ARMH3: variants seen among roughly 807,000 people sequenced by gnomAD.
ARMH3 encodes armadillo like helical domain containing 3, also known as armadillo-like helical domain-containing protein 3.
ARMH3 carries 60 observed loss-of-function variants against 99.1 expected under a neutral mutation model. The observed-to-expected ratio is 0.61, with a 90% CI of 0.49 to 0.75. The LOEUF is 0.75. Ranked by LOEUF, ARMH3 falls within the 30% of genes least tolerant of loss-of-function variation. ARMH3 has a pLI of 0.00. For synonymous variants in ARMH3, 285 were observed against 292.8 expected (o/e 0.97, Z 0.27); for missense variants, 679 against 843.1 (o/e 0.81, Z 2.41).
chr10:101,888,262 G>T (rs2067601333), intron 24 of ARMH3, among the ~76,000 whole-genome samples: 1 of 152,052 alleles, frequency 6.6e-6, no homozygotes, highest in African/African-American at 2.4e-5. Flanking sequence ...CAGCATCAAA[G>T]AACAGGATTC....
chr10:101,990,550 C>T lies in ARMH3; in HGVS notation c.1406+1G>A. 6.4e-7 allele frequency: 1 copy of T among 1,566,180 alleles called. No homozygotes were observed. Among genetic ancestry groups the T allele is most frequent in the Non-Finnish European group, 8.8e-7 (1 of 1,137,096 alleles). Reference sequence around the variant, plus strand: ...TTAAATGTGTACATATTTGTACTTACATATAGAGATCCATAGGAAACTCCT... The same window carrying T: ...TTAAATGTGTACATATTTGTACTTATATATAGAGATCCATAGGAAACTCCT... On this transcript the variant is annotated splice_donor_variant, in intron 19 of 25. Transcript: ENST00000370033. LOFTEE classifies it high-confidence loss of function.
At chr10:102,039,827 A>G (rs1425833811) in intron 2 of ARMH3, among the ~76,000 whole-genome samples, 186 bp downstream of exon 2, 1 of 152,202 alleles carries the variant, frequency 6.6e-6, no homozygotes, top group Non-Finnish European at 1.5e-5. Flanking sequence ...AACAACCTAT[A>G]TTAATTAATA....
intron 17 of ARMH3, among the ~76,000 whole-genome samples, chr10:101,992,813 A>G (rs577772589): frequency 2.0e-5 from 3 of 152,008 alleles, no homozygotes; most frequent in Non-Finnish European, 2.9e-5. Context: ...ATTTTTTAAC[A>G]TACCTCCAAG....
rs186074333 is a variant in ARMH3 at position 101,946,971 on chromosome 10, C to T, written c.1706-7033G>A. Among the ~76,000 whole-genome samples, 73 of 151,430 alleles carry T rather than the reference C, an allele frequency of 4.8e-4. 2 individuals carry two copies. The East Asian group carries it at 0.012, about 25-fold the overall frequency. On this transcript the variant is annotated intron_variant, in intron 22 of 25. Transcript: ENST00000370033. ...TTGAGAGGCTGAGGCAGGTGGATCA[C>T]GAGGTCAGGAGTTCAAGACCAGCCT...
At chr10:101,876,716 A>G (rs1295498788) in intron 24 of ARMH3, among the ~76,000 whole-genome samples, 1 of 152,202 alleles carries the variant, frequency 6.6e-6, no homozygotes, top group Non-Finnish European at 1.5e-5. Flanking sequence ...CATCTTAAAG[A>G]GTTCTGAGCC....
At chr10:101,936,823 C>T (rs1844001882) in intron 23 of ARMH3, among the ~76,000 whole-genome samples, 1 of 152,050 alleles carries the variant, frequency 6.6e-6, no homozygotes, top group African/African-American at 2.4e-5. Context: ...GATTATTCAC[C>T]CTAAAAATGA....
intron 17 of ARMH3, 34 bp from the exon 18 acceptor site, chr10:101,992,072 T>G: frequency 6.4e-7 from 1 of 1,565,856 alleles, no homozygotes. Context: ...AGGAAATTAG[T>G]AGACACCGGC....
At chr10:101,884,760 C>A (rs1589963502) in intron 24 of ARMH3, among the ~76,000 whole-genome samples, 1 of 146,490 alleles carries the variant, frequency 6.8e-6, no homozygotes, top group Admixed American at 7.0e-5. Context: ...GCACAGGCAA[C>A]AACAACAACA....
intron 1 of ARMH3, among the ~76,000 whole-genome samples, chr10:102,043,833 C>G (rs2067478036): frequency 6.6e-6 from 1 of 152,192 alleles, no homozygotes; most frequent in Admixed American, 6.5e-5. Context: ...AATGGTAAAT[C>G]AATGAAGGCT....
chr10:102,033,254 G>T lies in ARMH3; in HGVS notation c.159+29C>A, dbSNP rs372418922. 8.1e-6 allele frequency: 13 copies of T among 1,613,626 alleles called. No individual in the cohort carries two copies. The African/African-American group carries it at 1.7e-4, about 22-fold the overall frequency. On this transcript the variant is annotated intron_variant, in intron 3 of 25. Transcript: ENST00000370033. ...ATGAGAAGGCAATTTTAGTTACCAGGAAATTCCACAGATGCCACCAACTCT... is the reference window on the plus strand; with the variant it reads ...ATGAGAAGGCAATTTTAGTTACCAGTAAATTCCACAGATGCCACCAACTCT...
At chr10:102,002,275 C>T (rs1401600420) in intron 14 of ARMH3, among the ~76,000 whole-genome samples, 1 of 152,112 alleles carries the variant, frequency 6.6e-6, no homozygotes, top group African/African-American at 2.4e-5. Context: ...AAATTAAGCC[C>T]AGTGACCTGC....
In ARMH3 at chr10:101,891,459, A is replaced by G. The variant is rs572432265; in HGVS notation, c.1782-1969T>C. Among the ~76,000 whole-genome samples, 4 of 152,296 alleles carry G rather than the reference A, an allele frequency of 2.6e-5. No homozygotes were observed. The South Asian group carries it at 8.3e-4, about 32-fold the overall frequency. Reference sequence around the variant, plus strand: ...TGATCCACTCACCTTGGTCTCCCAAAGTATTGGGATTACAGGTGTGAGCCA... The same window carrying G: ...TGATCCACTCACCTTGGTCTCCCAAGGTATTGGGATTACAGGTGTGAGCCA... On this transcript the variant is annotated intron_variant, in intron 23 of 25. Coordinates refer to ENST00000370033, the MANE Select transcript of ARMH3 (RefSeq NM_024541.3).
chr10:102,039,170 G>A (rs1190825370), intron 2 of ARMH3, among the ~76,000 whole-genome samples: 2 of 151,448 alleles, frequency 1.3e-5, no homozygotes, highest in Admixed American at 6.6e-5. Context: ...TTTGAGATAG[G>A]GTCTTACTCT....
At chr10:101,883,472 T>C (rs2067465928) in intron 24 of ARMH3, among the ~76,000 whole-genome samples, 1 of 151,950 alleles carries the variant, frequency 6.6e-6, no homozygotes, top group East Asian at 1.9e-4. Flanking sequence ...GAGTGTCAGA[T>C]AGGATGGGGT....
intron 19 of ARMH3, among the ~76,000 whole-genome samples, chr10:101,985,286 A>G (rs1398560506): frequency 7.3e-6 from 1 of 137,382 alleles, no homozygotes; most frequent in African/African-American, 2.7e-5. Context: ...GTATATACGT[A>G]TATACACACG....
intron 20 of ARMH3, among the ~76,000 whole-genome samples, chr10:101,969,138 T>G (rs1480735881): frequency 6.6e-6 from 1 of 152,158 alleles, no homozygotes; most frequent in Non-Finnish European, 1.5e-5. Context: ...TAGTTTTTAC[T>G]GCTATGTTCT....
intron 24 of ARMH3, among the ~76,000 whole-genome samples, chr10:101,864,073 A>AG (rs1252572038): frequency 7.6e-6 from 1 of 131,516 alleles, no homozygotes; most frequent in Non-Finnish European, 1.7e-5. Context: ...AAAAAAAAAA[A>AG]AAAAAACACA....
At chr10:102,055,476 T>C (rs976181285) in intron 1 of ARMH3, among the ~76,000 whole-genome samples, 2 of 152,112 alleles carry the variant, frequency 1.3e-5, no homozygotes, top group African/African-American at 4.8e-5. Context: ...ACCAGGTTTC[T>C]CTCTACTTTT....
chr10:101,906,681 T>C (rs1589997244), intron 23 of ARMH3, among the ~76,000 whole-genome samples: 1 of 152,084 alleles, frequency 6.6e-6, no homozygotes, highest in Admixed American at 6.5e-5. Context: ...AAGGTAAACA[T>C]AGGAGAGAAA....
Sources: allele counts gnomAD v4.1 joint callset (sites outside exome capture counted in the v4.1 genomes callset), GRCh38; gene constraint gnomAD v4.1.1; transcripts MANE v1.5; gene names NCBI Gene and HGNC (gene_info 2026-07-23, HGNC 2026-07-21).